Variants in ANKZF1 observed in about 807,000 individuals in gnomAD.
ANKZF1 encodes the protein ankyrin repeat and zinc finger peptidyl tRNA hydrolase 1.
A neutral mutation model predicts 86.0 loss-of-function variants in ANKZF1; 84 were observed. The ratio of observed to expected loss-of-function variants is 0.98; its 90% confidence interval spans 0.82 to 1.17. The LOEUF (loss-of-function observed/expected upper bound fraction) is 1.17, where lower values mean the gene tolerates loss of function less well. ANKZF1 is among the 50% of genes most tolerant of loss of function. The probability of loss-of-function intolerance (pLI) is 0.00; values close to 1 mark genes in which losing one functional copy is unlikely to be tolerated. For missense variants in ANKZF1, 893 were observed against 918.4 expected (o/e 0.97, Z 0.36); for synonymous variants, 331 against 354.2 (o/e 0.93, Z 0.74).
chr2:219,230,266 G>C lies in ANKZF1; in HGVS notation c.9G>C (p.Pro3=), dbSNP rs529485262. The change falls in exon 2 of 14, where the codon CCG becomes CCC. Residue 3 remains proline (P), a synonymous_variant. Transcript: ENST00000323348. Reference sequence around the variant, plus strand: ...ATAATTTCTGCTCAGCCATGTCGCCGGCTCCAGATGCAGCCCCGGCTCCTG... The same window carrying C: ...ATAATTTCTGCTCAGCCATGTCGCCCGCTCCAGATGCAGCCCCGGCTCCTG... The part of the protein sequence containing the change: MS[P]APDAAPAPAS... 2.5e-6 allele frequency: 4 copies of C among 1,612,980 alleles called. No individual in the cohort carries two copies. The South Asian group carries it at 3.3e-5, about 13-fold the overall frequency.
In ANKZF1 at chr2:219,234,830, A is replaced by G. The variant is rs771728371; in HGVS notation, c.1209A>G (p.Ser403=). The change falls in exon 10 of 14, where the codon TCA becomes TCG. Residue 403 remains serine, a synonymous_variant. Transcript: ENST00000323348. ...ACATGTCAGGTTTTTCCCTAGGTTCAGGGTCGGAGGGAGAAGATGGCTTTC... is the reference window on the plus strand; with the variant it reads ...ACATGTCAGGTTTTTCCCTAGGTTCGGGGTCGGAGGGAGAAGATGGCTTTC... ...GQNEESPKQG[S]GSEGEDGFQV... The G allele has an allele frequency of 6.2e-7, 1 of 1,608,046 alleles. No homozygotes were observed. The highest frequency in any genetic ancestry group is 8.5e-7 in the Non-Finnish European group (1 of 1,176,250).
At position 219,230,417 on chromosome 2, in the gene ANKZF1, G is replaced by A. The variant is rs1268328934; in HGVS notation, c.148+12G>A. 1 of 1,594,780 alleles carries A rather than the reference G, an allele frequency of 6.3e-7. No homozygotes were observed. Among genetic ancestry groups the A allele is most frequent in the South Asian group, 1.1e-5 (1 of 90,014 alleles). On this transcript the variant is annotated intron_variant, in intron 2 of 13. Coordinates refer to ENST00000323348, the MANE Select transcript of ANKZF1 (RefSeq NM_018089.3). Reference sequence around the variant, plus strand: ...TACTTCCTGTTCAGGTATCCTGGAAGGTTTCGTGTGAAACGTGACAGGGCT... The same window carrying A: ...TACTTCCTGTTCAGGTATCCTGGAAAGTTTCGTGTGAAACGTGACAGGGCT...
At position 219,231,789 on chromosome 2, in the gene ANKZF1, G is replaced by C. The variant is rs772785539; in HGVS notation, c.149-139G>C. On this transcript the variant is annotated intron_variant, in intron 2 of 13. Transcript: ENST00000323348. ...TGTACTGTTTATTTCATGACTATTAGAGTGTAAATTCCTTGAAGGCAGTAT... is the reference window on the plus strand; with the variant it reads ...TGTACTGTTTATTTCATGACTATTACAGTGTAAATTCCTTGAAGGCAGTAT... 5.9e-6 allele frequency: 4 copies of C among 675,120 alleles called. No individual in the cohort carries two copies. The African/African-American group carries it at 7.2e-5, about 12-fold the overall frequency. 41.8% of individuals were successfully genotyped at this position (675,120 alleles called of 1,614,324 possible).
At position 219,235,726 on chromosome 2, in the gene ANKZF1, C is replaced by G; in HGVS notation, c.1822C>G (p.Pro608Ala). ...NKAQVPGPLT[P>A]EMEARQATRK... Reference sequence around the variant, plus strand: ...CCTCCAGGTGCCAGGACCATTGACACCAGAAATGGAGGCACGGCAGGCTAC... The same window carrying G: ...CCTCCAGGTGCCAGGACCATTGACAGCAGAAATGGAGGCACGGCAGGCTAC... The change falls in exon 12 of 14, where the codon CCA (proline) becomes GCA (alanine). Residue 608 changes from proline to alanine, a missense_variant. Pro to Ala is a conservative substitution (Grantham distance 27). Transcript: ENST00000323348. 1 of 1,614,110 alleles carries G rather than the reference C, an allele frequency of 6.2e-7. No individual in the cohort carries two copies. The highest frequency in any genetic ancestry group is 8.5e-7 in the Non-Finnish European group (1 of 1,180,020).
At position 219,235,866 on chromosome 2, in the gene ANKZF1, C is replaced by T. The variant is rs529584221; in HGVS notation, c.1962C>T (p.Asp654=). 3.2e-4 allele frequency: 515 copies of T among 1,614,170 alleles called. 7 individuals are homozygous for T. In the South Asian group the frequency reaches 5.3e-3, roughly 17 times the overall value. Residue 654 remains aspartate, a synonymous_variant, in exon 12 of 14, where the codon GAC becomes GAT. Transcript: ENST00000323348. ...EEQRRFAALS[D]REKRALAAER... ...AGCGGCGATTTGCCGCCCTCAGTGA[C>T]CGAGAGAAGGTGAGGCTGGAGGTTC...
chr2:219,234,783 G>T, intron 9 of ANKZF1, 43 bp from the exon 10 acceptor site: 1 of 1,558,528 alleles, frequency 6.4e-7, no homozygotes, highest in South Asian at 1.2e-5. Context: ...TCTACCCTCT[G>T]AGTACTCCCT....
chr2:219,233,719 T>C lies in ANKZF1; in HGVS notation c.824T>C (p.Val275Ala). Residue 275 changes from valine (V) to alanine (A), a missense_variant, in exon 8 of 14, where the codon GTT becomes GCT. Transcript: ENST00000323348. ...RYNEATLYKD[V>A]RDLLAGPSWA... ...CTGAGTTACTCTCTTCTCTAGGATG[T>C]TCGTGACCTGCTGGCAGGGCCAAGC... 6.2e-7 allele frequency: 1 copy of C among 1,612,102 alleles called. No homozygotes were observed. Among genetic ancestry groups the C allele is most frequent in the Non-Finnish European group, 8.5e-7 (1 of 1,179,236 alleles).
chr2:219,235,378 G>A, intron 10 of ANKZF1, 66 bp downstream of exon 10: 2 of 1,595,910 alleles, frequency 1.3e-6, no homozygotes, highest in South Asian at 1.1e-5. Flanking sequence ...GTTAAAGTTG[G>A]CATTGGCTAC....
rs757505468 is a variant in ANKZF1, at chr2:219,235,995, A to G, written c.1972-15A>G. On this transcript the variant is annotated splice_polypyrimidine_tract_variant and intron_variant, in intron 12 of 13. Coordinates refer to ENST00000323348, the MANE Select transcript of ANKZF1 (RefSeq NM_018089.3). ...CCACTGGGGCCTTGTCCTTAACACA[A>G]CTTGTCTCCCTCAGAGAGCTCTGGC... 1 of 1,614,058 alleles carries G rather than the reference A, an allele frequency of 6.2e-7. No homozygotes were observed.
intron 9 of ANKZF1, 189 bp from the exon 10 acceptor site, chr2:219,234,637 G>A (rs1951148385): frequency 8.9e-6 from 7 of 790,432 alleles, no homozygotes; most frequent in Admixed American, 2.9e-5. Flanking sequence ...GGAGAGTCCA[G>A]GGACTTGTTC....
chr2:219,233,984 G>C (rs1162195589), intron 8 of ANKZF1, 41 bp downstream of exon 8: 11 of 1,537,124 alleles, frequency 7.2e-6, no homozygotes, highest in Non-Finnish European at 8.7e-6. Flanking sequence ...AGACCTTCCT[G>C]TTCTCTCCAA....
chr2:219,232,489 G>C lies in ANKZF1; in HGVS notation c.365-1G>C, dbSNP rs956418928. 14 of 1,613,960 alleles carry C rather than the reference G, an allele frequency of 8.7e-6. No individual in the cohort carries two copies. The South Asian group carries it at 1.4e-4, about 16-fold the overall frequency. ...GTGTATCTCATATTGTCTGTCTTCA[G>C]GAGATCTTTCCAGCATCTCGGGATC... On this transcript the variant is annotated splice_acceptor_variant, in intron 4 of 13. Transcript: ENST00000323348. LOFTEE classifies it high-confidence loss of function.
rs113918917 is a variant in ANKZF1 at position 219,235,278 on chromosome 2, C to T, written c.1657C>T (p.Leu553=). The change falls in exon 10 of 14, where the codon CTG becomes TTG. Residue 553 remains leucine, a synonymous_variant. Transcript: ENST00000323348. The stretch of plus-strand genomic sequence containing the variant: ...AGCTGGAAGAGGCTCAGTGGTTCGT[C>T]TGCTGCTGGAAGCAGGTGCTGACCC... The part of the protein sequence containing the change: ...AAAGRGSVVR[L]LLEAGADPTV... 3.2e-5 allele frequency: 52 copies of T among 1,611,622 alleles called. No homozygotes were observed. Among genetic ancestry groups the T allele is most frequent in the African/African-American group, 2.7e-4 (20 of 75,068 alleles).
chr2:219,233,850 C>A lies in ANKZF1; in HGVS notation c.955C>A (p.Pro319Thr), dbSNP rs1189936322. The A allele has an allele frequency of 6.2e-7, 1 of 1,613,464 alleles. No individual in the cohort carries two copies. Among genetic ancestry groups the A allele is most frequent in the Non-Finnish European group, 8.5e-7 (1 of 1,179,732 alleles). ...GGGAGCACCCCTGCAAAGGGGGGAT[C>A]CCCGACTTTGGGATATCCCCCTCGC... The part of the protein sequence containing the change: ...GKGAPLQRGD[P>T]RLWDIPLATR... Residue 319 changes from proline (P) to threonine (T), a missense_variant, in exon 8 of 14, where the codon CCC (proline) becomes ACC (threonine). By Grantham distance (38) the Pro-to-Thr change is conservative (BLOSUM62 -1). Coordinates refer to ENST00000323348, the MANE Select transcript of ANKZF1 (RefSeq NM_018089.3).
At chr2:219,234,630 G>C (rs1390417011) in intron 9 of ANKZF1, 196 bp from the exon 10 acceptor site, 1 of 753,306 alleles carries the variant, frequency 1.3e-6, no homozygotes, top group East Asian at 2.7e-5. Flanking sequence ...CTCATACGGA[G>C]AGTCCAGGGA....
rs1951182630 is a variant in ANKZF1, at chr2:219,235,473, G to A, written c.1692-1G>A. The A allele has an allele frequency of 6.2e-7, 1 of 1,613,784 alleles. No homozygotes were observed. The highest frequency in any genetic ancestry group is 1.3e-5 in the African/African-American group (1 of 74,900). On this transcript the variant is annotated splice_acceptor_variant, in intron 10 of 13. Transcript: ENST00000323348. LOFTEE classifies it high-confidence loss of function. ...CCCATTTTTGGAGTTTTTGCACCTA[G>A]GGACTCTCGGGCCCGGCCACCTTAT...
At chr2:219,235,437 G>A (rs760336758) in intron 10 of ANKZF1, 37 bp from the exon 11 acceptor site, 2 of 1,610,274 alleles carry the variant, frequency 1.2e-6, no homozygotes, top group East Asian at 2.2e-5. Flanking sequence ...AAAGGCAGGA[G>A]GCAAGTTAAA....
chr2:219,236,235 C>G, intron 13 of ANKZF1, 87 bp from the exon 14 acceptor site: 1 of 1,607,636 alleles, frequency 6.2e-7, no homozygotes, highest in Non-Finnish European at 8.5e-7. Flanking sequence ...GCAGTGAAAA[C>G]AGAAATGGCA....
In ANKZF1 at chr2:219,235,902, G is replaced by T. The variant is rs368321803; in HGVS notation, c.1971+27G>T. On this transcript the variant is annotated intron_variant, in intron 12 of 13. Transcript: ENST00000323348. ...TGAGGCTGGAGGTTCTCTTGTCCATGGCAAGGCTTCCTAGAGGTCTAACCC... is the reference window on the plus strand; with the variant it reads ...TGAGGCTGGAGGTTCTCTTGTCCATTGCAAGGCTTCCTAGAGGTCTAACCC... The T allele has an allele frequency of 4.2e-5, 68 of 1,613,822 alleles. No homozygotes were observed. In the African/African-American group the frequency reaches 7.9e-4, roughly 19 times the overall value.
Sources: allele counts gnomAD v4.1 joint callset, GRCh38; gene constraint gnomAD v4.1.1; transcripts MANE v1.5; gene names NCBI Gene and HGNC (gene_info 2026-07-23, HGNC 2026-07-21).